HRH1: variants seen among roughly 807,000 people sequenced by gnomAD.
HRH1 encodes histamine receptor H1.
Under a neutral mutation model 10.3 loss-of-function variants are expected in HRH1, and 6 were observed. The ratio of observed to expected loss-of-function variants is 0.58; its 90% CI spans 0.32 to 1.15. The LOEUF (loss-of-function observed/expected upper bound fraction) is 1.15. HRH1 is among the 50% of genes most tolerant of loss of function. The pLI is 0.05. For missense variants in HRH1, 514 were observed against 615.3 expected (o/e 0.84, Z 1.74); for synonymous variants, 242 against 236.7 (o/e 1.02, Z -0.21).
At chr3:11,149,363 G>C (rs1936547407) in intron 1 of HRH1, among the ~76,000 whole-genome samples, 1 of 152,136 alleles carries the variant, frequency 6.6e-6, no homozygotes, top group Admixed American at 6.5e-5. Flanking sequence ...TTTATAATCA[G>C]CCATTTTCAC....
chr3:11,251,325 T>A (rs1202068926), intron 1 of HRH1, among the ~76,000 whole-genome samples: 1 of 152,230 alleles, frequency 6.6e-6, no homozygotes, highest in Non-Finnish European at 1.5e-5. Context: ...GGACTAAGTT[T>A]TGGCCTTTAC....
intron 1 of HRH1, among the ~76,000 whole-genome samples, chr3:11,196,963 A>C (rs1013252633): frequency 3.5e-4 from 52 of 150,376 alleles, no homozygotes; most frequent in Non-Finnish European, 5.9e-5. Flanking sequence ...CAAAAAAAAA[A>C]AAAAAAAAAA....
At chr3:11,223,478 G>A (rs1282555632) in intron 1 of HRH1, among the ~76,000 whole-genome samples, 6 of 142,410 alleles carry the variant, frequency 4.2e-5, no homozygotes, top group Non-Finnish European at 7.6e-5. Context: ...CAGCCTGGGC[G>A]ACAGAGCGAG....
At chr3:11,212,223 G>A (rs1938351772) in intron 1 of HRH1, among the ~76,000 whole-genome samples, 1 of 152,170 alleles carries the variant, frequency 6.6e-6, no homozygotes, top group African/African-American at 2.4e-5. Flanking sequence ...GTGAGGCAGT[G>A]TATGTGAGAA....
chr3:11,147,746 A>G (rs1357517719), intron 1 of HRH1, among the ~76,000 whole-genome samples: 1 of 152,226 alleles, frequency 6.6e-6, no homozygotes, highest in Non-Finnish European at 1.5e-5. Flanking sequence ...CCCATTTTAC[A>G]GATGGAGAAA....
At position 11,260,070 on chromosome 3, in the gene HRH1, G is replaced by C; in HGVS notation, c.1033G>C (p.Glu345Gln). The C allele has an allele frequency of 1.2e-6, 2 of 1,614,118 alleles. No homozygotes were observed. The highest frequency in any genetic ancestry group is 1.7e-6 in the Non-Finnish European group (2 of 1,180,030). Reference protein sequence around the residue: ...EQGLNTHGASEISEDQMLGDS... With the variant: ...EQGLNTHGASQISEDQMLGDS... ...GGGCCTGAACACACATGGGGCCAGC[G>C]AGATATCAGAGGATCAGATGTTAGG... The change falls in exon 2 of 2, where the codon GAG becomes CAG. Residue 345 changes from glutamate to glutamine, a missense_variant. Transcript: ENST00000431010.
At chr3:11,183,546 C>T (rs143662305) in intron 1 of HRH1, among the ~76,000 whole-genome samples, 11 of 152,254 alleles carry the variant, frequency 7.2e-5, no homozygotes, top group Non-Finnish European at 1.3e-4. Context: ...GTTGAGAAAT[C>T]CTGCTCTAGG....
chr3:11,246,853 C>T (rs907561934), intron 1 of HRH1, among the ~76,000 whole-genome samples: 3 of 151,974 alleles, frequency 2.0e-5, no homozygotes, highest in Non-Finnish European at 4.4e-5. Context: ...TGAGACCAGT[C>T]TGGGCAATAC....
chr3:11,186,035 G>A (rs887651717), intron 1 of HRH1, among the ~76,000 whole-genome samples: 15 of 152,164 alleles, frequency 9.9e-5, no homozygotes, highest in East Asian at 5.8e-4. Flanking sequence ...CTGCTCTGCC[G>A]AGAATTCCCT....
intron 1 of HRH1, among the ~76,000 whole-genome samples, chr3:11,241,439 C>G (rs1349744922): frequency 8.7e-6 from 1 of 114,400 alleles, no homozygotes; most frequent in Non-Finnish European, 2.2e-5. Flanking sequence ...GAGAACTTTT[C>G]TGTCTTACAA....
intron 1 of HRH1, among the ~76,000 whole-genome samples, chr3:11,224,329 A>G (rs1229225712): frequency 6.6e-6 from 1 of 152,232 alleles, no homozygotes; most frequent in East Asian, 1.9e-4. Context: ...CAGGGAAAGA[A>G]GAGATACATC....
At chr3:11,237,956 G>A (rs1202484127) in intron 1 of HRH1, among the ~76,000 whole-genome samples, 1 of 152,136 alleles carries the variant, frequency 6.6e-6, no homozygotes, top group East Asian at 1.9e-4. Context: ...GATTGTAGGC[G>A]TGAGCCACTG....
intron 1 of HRH1, among the ~76,000 whole-genome samples, chr3:11,156,562 C>T (rs1356307970): frequency 1.3e-5 from 2 of 152,198 alleles, no homozygotes; most frequent in Non-Finnish European, 2.9e-5. Context: ...TGGAGCTCAC[C>T]TGTTGGGGTT....
intron 1 of HRH1, among the ~76,000 whole-genome samples, chr3:11,210,890 A>G (rs1430825859): frequency 6.6e-6 from 1 of 152,136 alleles, no homozygotes; most frequent in Non-Finnish European, 1.5e-5. Context: ...TCATGCAGTT[A>G]GACATGACTC....
At chr3:11,196,670 C>A (rs1301446655) in intron 1 of HRH1, among the ~76,000 whole-genome samples, 1 of 152,042 alleles carries the variant, frequency 6.6e-6, no homozygotes, top group African/African-American at 2.4e-5. Flanking sequence ...GCCCTTCAGC[C>A]CATATAAAAT....
intron 1 of HRH1, among the ~76,000 whole-genome samples, chr3:11,225,708 C>T (rs1296168638): frequency 5.3e-5 from 8 of 152,214 alleles, no homozygotes; most frequent in Admixed American, 1.3e-4. Flanking sequence ...ACTTTTGAGA[C>T]GGAGTCTCGC....
upstream of HRH1, among the ~76,000 whole-genome samples, chr3:11,152,981 G>C (rs911365615): frequency 6.6e-6 from 1 of 152,098 alleles, no homozygotes; most frequent in African/African-American, 2.4e-5. Context: ...GCATCACAAA[G>C]TCCTTTAATC....
chr3:11,235,247 T>G (rs1939149602), intron 1 of HRH1, among the ~76,000 whole-genome samples: 1 of 152,080 alleles, frequency 6.6e-6, no homozygotes, highest in Admixed American at 6.6e-5. Context: ...AAATCCCTTC[T>G]CATTTTTTGA....
At position 11,236,729 on chromosome 3, in the gene HRH1, T is replaced by C. The variant is rs1367313306; in HGVS notation, c.-35-22274T>C. On this transcript the variant is annotated intron_variant, in intron 1 of 1. Transcript: ENST00000431010. ...TATAAATAACTTCTATATATAAATA[T>C]ATAAATAACCCCTGTATATAAATAC... Among the ~76,000 whole-genome samples the C allele has an allele frequency of 3.3e-5, 5 of 152,198 alleles. No individual in the cohort carries two copies. In the East Asian group the frequency reaches 5.8e-4, roughly 18 times the overall value.
Sources: gnomAD v4.1 joint callset for allele counts (sites outside exome capture counted in the v4.1 genomes callset) on GRCh38, gnomAD v4.1.1 for gene constraint, MANE v1.5 for transcripts, NCBI Gene and HGNC (gene_info 2026-07-23, HGNC 2026-07-21) for gene names.